TMEM132D: variants seen among roughly 807,000 people sequenced by gnomAD.
The protein encoded by TMEM132D is transmembrane protein 132D.
Under a neutral mutation model 62.3 loss-of-function variants are expected in TMEM132D, and 21 were observed. The observed-to-expected ratio is 0.34, with a 90% confidence interval of 0.24 to 0.49. The LOEUF is 0.49. TMEM132D is among the 20% of genes least tolerant of loss of function. The pLI is 0.99. For missense variants in TMEM132D, 1,346 were observed against 1,402.8 expected, an observed-to-expected ratio of 0.96 and a Z score of 0.65; for synonymous variants, 621 against 575.6, an observed-to-expected ratio of 1.08 and a Z score of -1.13.
rs144862725 is a variant in TMEM132D, at chr12:129,263,034, G to A, written c.1300-53371C>T. The stretch of plus-strand genomic sequence containing the variant: ...GAATGAGAAAGTCGCGTCTGAGAAC[G>A]TATTCTCCATTTCCCTGAGCACTTA... On this transcript the variant is annotated intron_variant, in intron 4 of 8. Coordinates refer to ENST00000422113, the MANE Select transcript of TMEM132D (RefSeq NM_133448.3). 1.0e-3 allele frequency among the ~76,000 whole-genome samples: 152 copies of A among 152,216 alleles called. 1 individual carries two copies. The highest frequency in any genetic ancestry group is 3.0e-3 in the African/African-American group (126 of 41,526).
At chr12:129,877,621 A>ACG (rs1236981460) in intron 1 of TMEM132D, among the ~76,000 whole-genome samples, 3 of 142,894 alleles carry the variant, frequency 2.1e-5, no homozygotes, top group Admixed American at 2.1e-4. Context: ...GCGCACACAC[A>ACG]CACACACAGA....
intron 2 of TMEM132D, among the ~76,000 whole-genome samples, chr12:129,660,448 G>A (rs755610764): frequency 2.4e-4 from 37 of 152,090 alleles, no homozygotes; most frequent in Non-Finnish European, 4.6e-4. Context: ...GATTGAATCA[G>A]CTGTGGCCAC....
At chr12:129,743,445 C>T (rs771171248) in intron 1 of TMEM132D, among the ~76,000 whole-genome samples, 10 of 152,144 alleles carry the variant, frequency 6.6e-5, no homozygotes, top group African/African-American at 2.2e-4. Context: ...TTCTCCTTCC[C>T]GCCACCATGT....
At chr12:129,801,084 A>G (rs957449307) in intron 1 of TMEM132D, among the ~76,000 whole-genome samples, 3 of 152,170 alleles carry the variant, frequency 2.0e-5, no homozygotes, top group Non-Finnish European at 4.4e-5. Flanking sequence ...AGTCTCCCTG[A>G]TGGCTAGCAC....
At chr12:129,723,601 G>A (rs1868922482) in intron 1 of TMEM132D, among the ~76,000 whole-genome samples, 1 of 152,174 alleles carries the variant, frequency 6.6e-6, no homozygotes, top group African/African-American at 2.4e-5. Context: ...CTTCCTCCAT[G>A]GCTCTGTCCT....
chr12:129,794,922 A>G (rs558443098), intron 1 of TMEM132D, among the ~76,000 whole-genome samples: 5 of 152,340 alleles, frequency 3.3e-5, no homozygotes, highest in Admixed American at 2.6e-4. Flanking sequence ...GGGGAAATTT[A>G]AATCATACTA....
chr12:129,275,683 C>T (rs569574562), intron 4 of TMEM132D, among the ~76,000 whole-genome samples: 1 of 152,356 alleles, frequency 6.6e-6, no homozygotes, highest in African/African-American at 2.4e-5. Flanking sequence ...CAATCACTTT[C>T]TGGCTTCTCC....
intron 1 of TMEM132D, among the ~76,000 whole-genome samples, chr12:129,894,301 A>ACACCGCCCC (rs1875030617): frequency 6.6e-6 from 1 of 151,996 alleles, no homozygotes; most frequent in Non-Finnish European, 1.5e-5. Flanking sequence ...TGTATGGGGG[A>ACACCGCCCC]CACCGCCCCC....
At chr12:129,893,935 C>G (rs548090523) in intron 1 of TMEM132D, among the ~76,000 whole-genome samples, 2 of 152,156 alleles carry the variant, frequency 1.3e-5, no homozygotes, top group African/African-American at 4.8e-5. Context: ...ATGATTTTCA[C>G]GCCCTACAGA....
At chr12:129,648,186 G>A (rs1208829889) in intron 2 of TMEM132D, among the ~76,000 whole-genome samples, 2 of 152,020 alleles carry the variant, frequency 1.3e-5, no homozygotes, top group Non-Finnish European at 2.9e-5. Flanking sequence ...TTGGTGTTTG[G>A]GGTATGTTTC....
At chr12:129,825,018 T>A (rs1872625627) in intron 1 of TMEM132D, among the ~76,000 whole-genome samples, 1 of 97,628 alleles carries the variant, frequency 1.0e-5, no homozygotes, top group Non-Finnish European at 2.0e-5. Flanking sequence ...AGTCTTTTTT[T>A]TTTTTTTTTC....
chr12:129,248,680 A>C (rs1478574311), intron 4 of TMEM132D, among the ~76,000 whole-genome samples: 1 of 152,154 alleles, frequency 6.6e-6, no homozygotes. Context: ...AGTATCCATT[A>C]GTTATTTTTC....
intron 3 of TMEM132D, among the ~76,000 whole-genome samples, chr12:129,394,201 C>T (rs752399897): frequency 1.3e-5 from 2 of 152,192 alleles, no homozygotes; most frequent in East Asian, 1.9e-4. Flanking sequence ...GACCTCTGAG[C>T]GGGAGTTGCA....
intron 3 of TMEM132D, among the ~76,000 whole-genome samples, chr12:129,428,527 T>C (rs1872561562): frequency 6.6e-6 from 1 of 152,248 alleles, no homozygotes; most frequent in Non-Finnish European, 1.5e-5. Flanking sequence ...CCACTACGTA[T>C]GCTGGAGAGA....
intron 1 of TMEM132D, among the ~76,000 whole-genome samples, chr12:129,760,477 C>CCCCGCCTCCACTACAGGCG (rs1214732051): frequency 1.3e-5 from 2 of 150,596 alleles, no homozygotes; most frequent in Non-Finnish European, 1.5e-5. Flanking sequence ...GACTACAGGC[C>CCCCGCCTCCACTACAGGCG]CCCGCCTCCA....
At chr12:129,608,633 C>A (rs1391360770) in intron 2 of TMEM132D, among the ~76,000 whole-genome samples, 2 of 152,182 alleles carry the variant, frequency 1.3e-5, no homozygotes, top group South Asian at 4.1e-4. Flanking sequence ...TAAGAAAGAA[C>A]CTACATATTC....
At chr12:129,238,996 G>GGGTT (rs374959544) in intron 4 of TMEM132D, among the ~76,000 whole-genome samples, 1 of 133,046 alleles carries the variant, frequency 7.5e-6, no homozygotes, top group Non-Finnish European at 1.6e-5. Flanking sequence ...GTTATTTTCT[G>GGGTT]TTTTTTTTTT....
At chr12:129,105,609 C>T (rs1334519117) in intron 5 of TMEM132D, among the ~76,000 whole-genome samples, 18 of 148,332 alleles carry the variant, frequency 1.2e-4, no homozygotes, top group Non-Finnish European at 2.2e-4. Flanking sequence ...GGCCGAAGGA[C>T]ATGAACAGAC....
intron 4 of TMEM132D, among the ~76,000 whole-genome samples, chr12:129,276,053 GTTTGTT>G (rs1407046590): frequency 6.6e-6 from 1 of 150,704 alleles, no homozygotes; most frequent in East Asian, 2.0e-4. Context: ...TTGTTTGTTT[GTTTGTT>G]TTCTCAAGAC....
Sources: allele counts gnomAD v4.1 joint callset (sites outside exome capture counted in the v4.1 genomes callset), GRCh38; gene constraint gnomAD v4.1.1; transcripts MANE v1.5; gene names NCBI Gene and HGNC (gene_info 2026-07-23, HGNC 2026-07-21).